Variants in PTPRN2 observed in about 807,000 individuals in gnomAD.
The protein encoded by PTPRN2 is protein tyrosine phosphatase receptor type N2, also known as receptor-type tyrosine-protein phosphatase N2.
In PTPRN2, 74 loss-of-function variants were observed where a neutral mutation model predicts 118.8. The observed-to-expected ratio is 0.62, with a 90% CI of 0.52 to 0.76. The LOEUF (loss-of-function observed/expected upper bound fraction) is 0.76, where lower values mean the gene tolerates loss of function less well. PTPRN2 is among the 30% of genes least tolerant of loss of function. The pLI, the probability that PTPRN2 is intolerant of heterozygous loss-of-function variation, is 0.00. For synonymous variants in PTPRN2, 641 were observed against 608.0 expected (o/e 1.05, Z -0.80); for missense variants, 1,481 against 1,394.4 (o/e 1.06, Z -0.99).
At chr7:158,254,779 C>T (rs1023625961) in intron 3 of PTPRN2, among the ~76,000 whole-genome samples, 1 of 152,250 alleles carries the variant, frequency 6.6e-6, no homozygotes, top group Non-Finnish European at 1.5e-5. Flanking sequence ...ATGAGTTTCA[C>T]CTCCCTACAG....
chr7:158,398,730 A>C (rs1812716585), intron 2 of PTPRN2, among the ~76,000 whole-genome samples: 1 of 152,110 alleles, frequency 6.6e-6, no homozygotes, highest in Non-Finnish European at 1.5e-5. Flanking sequence ...CCATATCTCC[A>C]CATGACACAT....
rs1261537375 is a variant in PTPRN2, at chr7:157,760,158, ATCTC to A, written c.1789-77225_1789-77222del. Among the ~76,000 whole-genome samples the A allele has an allele frequency of 2.0e-5, 3 of 152,072 alleles. No homozygotes were observed. In the East Asian group the frequency reaches 5.8e-4, roughly 29 times the overall value. ...CTTCTGCCCCCACATCACCCACTGA[ATCTC>A]TCTAACAAACATCCCCCACGTGGTG... is the stretch of plus-strand genomic sequence containing the variant. On this transcript the variant is annotated intron_variant, in intron 12 of 22. Coordinates refer to ENST00000389418, the MANE Select transcript of PTPRN2 (RefSeq NM_002847.5).
chr7:157,580,844 CCG>C, intron 17 of PTPRN2, among the ~76,000 whole-genome samples: 1 of 123,910 alleles, frequency 8.1e-6, no homozygotes, highest in Non-Finnish European at 1.7e-5. Context: ...ACCTGCACAC[CCG>C]AGCCCCTGCA....
intron 1 of PTPRN2, among the ~76,000 whole-genome samples, chr7:158,540,686 C>T (rs183743140): frequency 6.6e-6 from 1 of 152,210 alleles, no homozygotes; most frequent in Non-Finnish European, 1.5e-5. Flanking sequence ...CGCCCCAGGG[C>T]CCACCGTGTG....
chr7:158,498,682 T>G (rs942912772), intron 1 of PTPRN2, among the ~76,000 whole-genome samples: 1 of 152,160 alleles, frequency 6.6e-6, no homozygotes, highest in African/African-American at 2.4e-5. Flanking sequence ...CTTTCACAGA[T>G]AAAAAGTTAA....
chr7:158,530,075 A>C (rs1380475291), intron 1 of PTPRN2, among the ~76,000 whole-genome samples: 1 of 152,190 alleles, frequency 6.6e-6, no homozygotes, highest in East Asian at 1.9e-4. Flanking sequence ...GAGAGAATGC[A>C]AAAGAAGTGA....
intron 12 of PTPRN2, among the ~76,000 whole-genome samples, chr7:157,793,983 C>T (rs994449082): frequency 6.6e-6 from 1 of 152,200 alleles, no homozygotes; most frequent in Non-Finnish European, 1.5e-5. Context: ...GAGGGCCCCA[C>T]AGCCCCTTCC....
intron 3 of PTPRN2, among the ~76,000 whole-genome samples, chr7:158,243,507 G>A (rs570676753): frequency 6.6e-6 from 1 of 152,232 alleles, no homozygotes; most frequent in African/African-American, 2.4e-5. Flanking sequence ...GGTTACTCGT[G>A]TTTTCCAGAT....
intron 2 of PTPRN2, among the ~76,000 whole-genome samples, chr7:158,322,521 C>G (rs1358590624): frequency 6.6e-6 from 1 of 151,972 alleles, no homozygotes; most frequent in Non-Finnish European, 1.5e-5. Context: ...CATGGCAACA[C>G]CTGGCCCCAG....
chr7:158,581,298 A>G (rs1159523242), intron 1 of PTPRN2, among the ~76,000 whole-genome samples: 1 of 152,202 alleles, frequency 6.6e-6, no homozygotes, highest in Non-Finnish European at 1.5e-5. Flanking sequence ...GAAGATAGAA[A>G]TACCTATGCG....
chr7:158,399,386 G>A (rs1286874398), intron 2 of PTPRN2, among the ~76,000 whole-genome samples: 2 of 152,168 alleles, frequency 1.3e-5, no homozygotes, highest in African/African-American at 2.4e-5. Flanking sequence ...GTGTGGTAGT[G>A]CACACCTGTG....
At chr7:158,241,380 G>A (rs1448048358) in intron 3 of PTPRN2, among the ~76,000 whole-genome samples, 4 of 152,142 alleles carry the variant, frequency 2.6e-5, no homozygotes, top group Non-Finnish European at 5.9e-5. Flanking sequence ...CGGGCATGAT[G>A]GCAGGTGCCT....
chr7:158,093,669 G>A lies in PTPRN2; in HGVS notation c.1644-12292C>T, dbSNP rs185380176. Among the ~76,000 whole-genome samples, 7 of 152,242 alleles carry A rather than the reference G, an allele frequency of 4.6e-5. No individual in the cohort carries two copies. The highest frequency in any genetic ancestry group is 2.1e-4 in the South Asian group (1 of 4,802). ...GGAGACATCGGGAACATAAAACTCC[G>A]GAATTCCACGTGGATAGCATAATGC... On this transcript the variant is annotated intron_variant, in intron 10 of 22. Transcript: ENST00000389418. This position sits in a 1 kb window ranked among gnomAD's most constrained non-coding sequence, Gnocchi z 4.4.
intron 9 of PTPRN2, among the ~76,000 whole-genome samples, chr7:158,130,405 CACACACTCAT>C (rs1452776506): frequency 3.3e-5 from 5 of 150,822 alleles, no homozygotes; most frequent in African/African-American, 4.9e-5. Flanking sequence ...CTACCCAACA[CACACACTCAT>C]ACACACTCAC....
chr7:157,727,041 G>A (rs1799642135), intron 12 of PTPRN2, among the ~76,000 whole-genome samples: 1 of 152,224 alleles, frequency 6.6e-6, no homozygotes, highest in East Asian at 1.9e-4. Flanking sequence ...GGAACACTGC[G>A]CTATTGCAGC....
At chr7:157,573,238 G>A (rs918605550) in intron 19 of PTPRN2, among the ~76,000 whole-genome samples, 4 of 152,260 alleles carry the variant, frequency 2.6e-5, no homozygotes, top group Admixed American at 6.5e-5. Flanking sequence ...ACGTGAGCAC[G>A]TATGTGCACA....
At position 157,611,337 on chromosome 7, in the gene PTPRN2, G is replaced by A. The variant is rs574086819; in HGVS notation, c.2345-7262C>T. Among the ~76,000 whole-genome samples the A allele has an allele frequency of 2.6e-5, 4 of 152,292 alleles. No homozygotes were observed. The highest frequency in any genetic ancestry group is 6.5e-5 in the Admixed American group (1 of 15,298). ...CCTGGGGGATTCCCATACCTGAAGC[G>A]ATTTTAACCCACACTAGTCTCATCT... On this transcript the variant is annotated intron_variant, in intron 15 of 22. Coordinates refer to ENST00000389418, the MANE Select transcript of PTPRN2 (RefSeq NM_002847.5). The surrounding 1 kb of genome is among the most constrained non-coding windows in gnomAD (Gnocchi z 5.9).
intron 11 of PTPRN2, among the ~76,000 whole-genome samples, chr7:158,055,715 C>T (rs538978036): frequency 1.2e-4 from 19 of 152,328 alleles, no homozygotes; most frequent in African/African-American, 3.8e-4. Flanking sequence ...CCAGTGGACA[C>T]GTAACCCATG....
At chr7:158,407,642 G>A (rs1813692537) in intron 2 of PTPRN2, among the ~76,000 whole-genome samples, 1 of 84,838 alleles carries the variant, frequency 1.2e-5, no homozygotes, top group Non-Finnish European at 2.4e-5. Context: ...TGCGTCCTGG[G>A]TCCTGGGTCC....
Sources: allele counts gnomAD v4.1 joint callset (sites outside exome capture counted in the v4.1 genomes callset), GRCh38; gene constraint gnomAD v4.1.1; non-coding constraint Gnocchi (gnomAD v3.1); transcripts MANE v1.5; gene names NCBI Gene and HGNC (gene_info 2026-07-23, HGNC 2026-07-21).